ARHGEF3: variants seen among roughly 807,000 people sequenced by gnomAD.
The protein encoded by ARHGEF3 is 59.8 kDA protein.
Under a neutral mutation model 63.2 loss-of-function variants are expected in ARHGEF3, and 28 were observed. The observed-to-expected ratio is 0.44, with a 90% confidence interval of 0.33 to 0.61. ARHGEF3 has a LOEUF of 0.61. Ranked by LOEUF, ARHGEF3 falls within the 20% of genes least tolerant of loss-of-function variation. ARHGEF3 has a pLI of 0.03. For synonymous variants in ARHGEF3, 266 were observed against 254.2 expected, an observed-to-expected ratio of 1.05 and a Z score of -0.44; for missense variants, 533 against 659.3, an observed-to-expected ratio of 0.81 and a Z score of 2.10.
At chr3:56,998,766 G>A (rs1702083528) in intron 2 of ARHGEF3, among the ~76,000 whole-genome samples, 1 of 152,092 alleles carries the variant, frequency 6.6e-6, no homozygotes. Flanking sequence ...TGTGGAATTG[G>A]CCATTTCAGG....
rs527326901 is a variant in ARHGEF3 at position 56,915,439 on chromosome 3, G to A, written c.130-33085C>T. The stretch of plus-strand genomic sequence containing the variant: ...CGTGATTGTGCCACTATATTCCAGC[G>A]TGGATGACAGAGCAAGATTCTGTCT... On this transcript the variant is annotated intron_variant, in intron 3 of 12. Coordinates refer to the ARHGEF3 transcript ENST00000338458. Among the ~76,000 whole-genome samples, 14 of 152,134 alleles carry A rather than the reference G, an allele frequency of 9.2e-5. No individual in the cohort carries two copies. The East Asian group carries it at 1.5e-3, about 17-fold the overall frequency.
intron 3 of ARHGEF3, among the ~76,000 whole-genome samples, chr3:56,925,102 CAT>C (rs1052603329): frequency 3.2e-4 from 48 of 152,376 alleles, no homozygotes; most frequent in African/African-American, 1.1e-3. Flanking sequence ...CTCAGCCAAT[CAT>C]GTGCTGGGAT....
chr3:56,839,759 C>T (rs1324975248), intron 4 of ARHGEF3, among the ~76,000 whole-genome samples: 2 of 152,112 alleles, frequency 1.3e-5, no homozygotes, highest in African/African-American at 4.8e-5. Context: ...ATCATCATTG[C>T]AAGGATGCTT....
At chr3:56,856,779 TAA>T (rs1213731584) in intron 4 of ARHGEF3, among the ~76,000 whole-genome samples, 1 of 142,726 alleles carries the variant, frequency 7.0e-6, no homozygotes. Context: ...AAACTGGAAT[TAA>T]AAAAAAAAAA....
chr3:56,913,214 C>A (rs2041901156), intron 3 of ARHGEF3, among the ~76,000 whole-genome samples: 1 of 150,940 alleles, frequency 6.6e-6, no homozygotes, highest in African/African-American at 2.4e-5. Context: ...AACAAAGAGA[C>A]AACACAAAGA....
chr3:57,026,799 C>T (rs1703494910), intron 2 of ARHGEF3, among the ~76,000 whole-genome samples: 1 of 152,156 alleles, frequency 6.6e-6, no homozygotes, highest in African/African-American at 2.4e-5. Flanking sequence ...AAACACTTCT[C>T]GATTGTGCAC....
intron 2 of ARHGEF3, among the ~76,000 whole-genome samples, chr3:57,025,582 C>G (rs1703438739): frequency 6.6e-6 from 1 of 152,154 alleles, no homozygotes; most frequent in African/African-American, 2.4e-5. Context: ...GCTTTTTCCC[C>G]TCAGAAACTC....
At chr3:56,971,256 G>A (rs1367043365) in intron 2 of ARHGEF3, among the ~76,000 whole-genome samples, 2 of 152,136 alleles carry the variant, frequency 1.3e-5, no homozygotes, top group Admixed American at 1.3e-4. Context: ...CATGCATAGT[G>A]GAAGCCATCT....
chr3:56,815,866 G>A (rs900180648), intron 4 of ARHGEF3, among the ~76,000 whole-genome samples: 5 of 152,154 alleles, frequency 3.3e-5, no homozygotes, highest in Non-Finnish European at 7.3e-5. Flanking sequence ...CCCTTCAAGG[G>A]TGGGCTGCTT....
At chr3:56,866,933 C>T (rs973276272) in intron 4 of ARHGEF3, among the ~76,000 whole-genome samples, 3 of 152,194 alleles carry the variant, frequency 2.0e-5, no homozygotes, top group Non-Finnish European at 2.9e-5. Flanking sequence ...TTAACAATTC[C>T]ACATCCATAT....
rs368922829 is a variant in ARHGEF3, at chr3:56,798,537, GTTTTTT to G, written c.96+3160_96+3165del. Among the ~76,000 whole-genome samples the G allele has an allele frequency of 9.4e-3, 1,307 of 139,134 alleles. 8 individuals are homozygous for G. The highest frequency in any genetic ancestry group is 0.013 in the Non-Finnish European group (857 of 65,568). 91.3% of individuals were successfully genotyped at this position (139,134 alleles called of 152,430 possible). ...GAGCTTGCTTCCTTTTCTTTACTTC[GTTTTTT>G]TTTTTTTTTTTTTTTAAGCCTTCTT... On this transcript the variant is annotated intron_variant, in intron 1 of 9. Transcript: ENST00000296315.
At chr3:56,903,028 C>T (rs1177672639) in intron 3 of ARHGEF3, among the ~76,000 whole-genome samples, 1 of 151,758 alleles carries the variant, frequency 6.6e-6, no homozygotes, top group Non-Finnish European at 1.5e-5. Flanking sequence ...TCCAGGGAAG[C>T]AGAATACAGA....
At chr3:56,962,600 G>A (rs890524663) in intron 2 of ARHGEF3, among the ~76,000 whole-genome samples, 15 of 152,216 alleles carry the variant, frequency 9.9e-5, no homozygotes, top group African/African-American at 3.4e-4. Flanking sequence ...AGCCAGGGAT[G>A]GGTGAGCAGC....
intron 4 of ARHGEF3, among the ~76,000 whole-genome samples, chr3:56,830,262 G>C (rs1401864882): frequency 6.6e-6 from 1 of 152,158 alleles, no homozygotes; most frequent in Non-Finnish European, 1.5e-5. Flanking sequence ...GGTGGTGCTG[G>C]TGGGGATGGT....
intron 2 of ARHGEF3, among the ~76,000 whole-genome samples, chr3:57,034,142 G>T (rs1703851142): frequency 6.6e-6 from 1 of 151,892 alleles, no homozygotes; most frequent in Admixed American, 6.6e-5. Context: ...TTATTTTAGA[G>T]ATGGGAGTCT....
chr3:56,747,822 G>T (rs1041122583), intron 6 of ARHGEF3, among the ~76,000 whole-genome samples: 35 of 151,984 alleles, frequency 2.3e-4, no homozygotes, highest in African/African-American at 8.0e-4. Context: ...AGACTGTCTC[G>T]GAAAAAAGGA....
At chr3:56,896,967 C>A (rs2041324155) in intron 3 of ARHGEF3, among the ~76,000 whole-genome samples, 1 of 152,232 alleles carries the variant, frequency 6.6e-6, no homozygotes, top group Non-Finnish European at 1.5e-5. Context: ...TTTTAAGTAA[C>A]CAGCAAATTG....
At chr3:56,971,136 A>G (rs1465827997) in intron 2 of ARHGEF3, among the ~76,000 whole-genome samples, 1 of 152,162 alleles carries the variant, frequency 6.6e-6, no homozygotes, top group Non-Finnish European at 1.5e-5. Flanking sequence ...GAATGAATTC[A>G]TGGTGCGGCC....
At chr3:56,979,422 G>A (rs1007617437) in intron 2 of ARHGEF3, among the ~76,000 whole-genome samples, 3 of 152,224 alleles carry the variant, frequency 2.0e-5, no homozygotes, top group African/African-American at 7.2e-5. Context: ...GCTGCCACAG[G>A]AGGCCCAAGC....
Sources: gnomAD v4.1 joint callset for allele counts (sites outside exome capture counted in the v4.1 genomes callset) on GRCh38, gnomAD v4.1.1 for gene constraint, MANE v1.5 for transcripts, NCBI Gene and HGNC (gene_info 2026-07-23, HGNC 2026-07-21) for gene names.